MXI1: variants seen among roughly 807,000 people sequenced by gnomAD.
MXI1 encodes max-interacting protein 1.
Under a neutral mutation model 36.9 loss-of-function variants are expected in MXI1, and 18 were observed. The ratio of observed to expected loss-of-function variants is 0.49; its 90% CI spans 0.34 to 0.72. MXI1 has a LOEUF of 0.72. Ranked by LOEUF, MXI1 falls within the 30% of genes least tolerant of loss-of-function variation. The pLI is 0.01. For synonymous variants in MXI1, 160 were observed against 146.7 expected, an observed-to-expected ratio of 1.09 and a Z score of -0.65; for missense variants, 304 against 379.1, an observed-to-expected ratio of 0.80 and a Z score of 1.64.
chr10:110,222,634 C>G (rs1590333138), intron 1 of MXI1, among the ~76,000 whole-genome samples: 2 of 152,168 alleles, frequency 1.3e-5, no homozygotes, highest in African/African-American at 4.8e-5. Context: ...GAGAGATATA[C>G]TTTAGGGAGA....
intron 1 of MXI1, among the ~76,000 whole-genome samples, chr10:110,218,353 A>G (rs559558219): frequency 1.1e-4 from 17 of 152,024 alleles, no homozygotes; most frequent in East Asian, 5.8e-4. Flanking sequence ...GGGAGGCTGA[A>G]GCAGGAGAAT....
chr10:110,240,373 CATCCTGTTTAG>C (rs770817409), intron 2 of MXI1, among the ~76,000 whole-genome samples: 16 of 152,120 alleles, frequency 1.1e-4, no homozygotes, highest in Non-Finnish European at 2.1e-4. Context: ...TATTGTTGTG[CATCCTGTTTAG>C]ATACTTGATG....
chr10:110,273,827 A>G (rs1025533214), intron 3 of MXI1, among the ~76,000 whole-genome samples: 4 of 152,194 alleles, frequency 2.6e-5, no homozygotes, highest in East Asian at 1.9e-4. Flanking sequence ...GCAGGTTCCA[A>G]TGAAGGACCA....
chr10:110,213,128 T>A (rs955268652), intron 1 of MXI1, among the ~76,000 whole-genome samples: 1 of 152,134 alleles, frequency 6.6e-6, no homozygotes, highest in Non-Finnish European at 1.5e-5. Flanking sequence ...CTCCCTTGGG[T>A]GGTGAGACCA....
At chr10:110,215,200 C>G (rs1442413566) in intron 1 of MXI1, among the ~76,000 whole-genome samples, 2 of 152,050 alleles carry the variant, frequency 1.3e-5, no homozygotes, top group African/African-American at 4.8e-5. Context: ...TGCCACCACG[C>G]CTGGCTAATT....
intron 3 of MXI1, among the ~76,000 whole-genome samples, chr10:110,277,786 T>C (rs1003497012): frequency 1.1e-4 from 17 of 152,212 alleles, no homozygotes; most frequent in African/African-American, 4.1e-4. Context: ...AGAAGAATCT[T>C]AATTCATTAG....
chr10:110,221,608 T>G (rs1205746033), intron 1 of MXI1, among the ~76,000 whole-genome samples: 2 of 152,224 alleles, frequency 1.3e-5, no homozygotes, highest in Non-Finnish European at 2.9e-5. Context: ...TTATAATCAC[T>G]GAAATAGGCT....
At chr10:110,235,379 G>A (rs960901458) in intron 2 of MXI1, among the ~76,000 whole-genome samples, 3 of 151,916 alleles carry the variant, frequency 2.0e-5, no homozygotes, top group Non-Finnish European at 4.4e-5. Flanking sequence ...TTCATGATGA[G>A]GTTTATTAGT....
At chr10:110,256,647 T>C (rs975324368) in intron 3 of MXI1, among the ~76,000 whole-genome samples, 6 of 141,348 alleles carry the variant, frequency 4.2e-5, no homozygotes, top group African/African-American at 1.6e-4. Flanking sequence ...CCAATATACA[T>C]GTGAAATGCT....
At chr10:110,230,321 A>G (rs1855213852) in intron 2 of MXI1, among the ~76,000 whole-genome samples, 1 of 152,170 alleles carries the variant, frequency 6.6e-6, no homozygotes. Flanking sequence ...GGATTCTAAT[A>G]TTATGTGTGG....
intron 1 of MXI1, among the ~76,000 whole-genome samples, chr10:110,218,879 G>A (rs574675004): frequency 2.0e-5 from 3 of 152,384 alleles, no homozygotes; most frequent in South Asian, 2.1e-4. Flanking sequence ...AGTGTGAGCT[G>A]CAGAGATGAG....
At chr10:110,237,622 C>G (rs1232017641) in intron 2 of MXI1, among the ~76,000 whole-genome samples, 2 of 152,106 alleles carry the variant, frequency 1.3e-5, no homozygotes, top group African/African-American at 4.8e-5. Flanking sequence ...GGATTTAGTC[C>G]CCAACATGTC....
intron 3 of MXI1, among the ~76,000 whole-genome samples, chr10:110,262,123 C>G (rs1856534178): frequency 1.3e-5 from 2 of 152,158 alleles, no homozygotes; most frequent in South Asian, 4.1e-4. Context: ...TCTGTGAACT[C>G]CACATCCATG....
Position 110,221,810 on chromosome 10 carries a change from T to TC in MXI1, c.275-6373dup, listed in dbSNP as rs550369579. 2.5e-3 allele frequency among the ~76,000 whole-genome samples: 374 copies of TC among 152,122 alleles called. 1 individual carries two copies. The highest frequency in any genetic ancestry group is 3.8e-3 in the Non-Finnish European group (260 of 67,990). The stretch of plus-strand genomic sequence containing the variant: ...GATAAACACTGCCTCCCCCTGGCGT[T>TC]CCCCCCACCCCATGTCCTTTCCCTT... On this transcript the variant is annotated intron_variant, in intron 1 of 5. Transcript: ENST00000332674.
chr10:110,223,150 T>C (rs892901764), intron 1 of MXI1, among the ~76,000 whole-genome samples: 1 of 152,234 alleles, frequency 6.6e-6, no homozygotes. Context: ...TGAAAGGCCA[T>C]GCATAGGCCC....
intron 2 of MXI1, among the ~76,000 whole-genome samples, chr10:110,233,169 C>T (rs1284978048): frequency 6.6e-6 from 1 of 152,036 alleles, no homozygotes; most frequent in Non-Finnish European, 1.5e-5. Context: ...TATCTCAGTT[C>T]CACTTTCTAA....
chr10:110,282,678 T>C (rs894186404), intron 5 of MXI1, among the ~76,000 whole-genome samples: 1 of 152,160 alleles, frequency 6.6e-6, no homozygotes, highest in Non-Finnish European at 1.5e-5. Flanking sequence ...GTGTTCCCAG[T>C]GTACCTTACT....
rs551440069 is a variant in MXI1 at position 110,223,453 on chromosome 10, C to T, written c.275-4736C>T. Among the ~76,000 whole-genome samples, 86 of 151,916 alleles carry T rather than the reference C, an allele frequency of 5.7e-4. 1 individual carries two copies. Among genetic ancestry groups the T allele is most frequent in the Non-Finnish European group, 8.5e-4 (58 of 67,982 alleles). ...AAAATTAGCTGGGCGTGGTGGCAGG[C>T]GCCTGTAACCCCAGCTACTTGGGAG... On this transcript the variant is annotated intron_variant, in intron 1 of 5. Transcript: ENST00000332674.
chr10:110,232,923 C>T (rs1410474175), intron 2 of MXI1, among the ~76,000 whole-genome samples: 1 of 152,200 alleles, frequency 6.6e-6, no homozygotes, highest in African/African-American at 2.4e-5. Flanking sequence ...GAAGAACATT[C>T]AGTGTCATCC....
Sources: allele counts gnomAD v4.1 joint callset (sites outside exome capture counted in the v4.1 genomes callset), GRCh38; gene constraint gnomAD v4.1.1; transcripts MANE v1.5; gene names NCBI Gene and HGNC (gene_info 2026-07-23, HGNC 2026-07-21).